Variants in EPB41 observed in about 807,000 individuals in gnomAD.
The protein encoded by EPB41 is erythrocyte membrane protein band 4.1.
EPB41 carries 65 observed loss-of-function variants against 108.0 expected under a neutral mutation model. The observed-to-expected ratio is 0.60, with a 90% confidence interval of 0.49 to 0.74. The LOEUF is 0.74. Among genes scored for constraint, EPB41 ranks in the 30% least tolerant of loss-of-function variants. The pLI is 0.00. For synonymous variants in EPB41, 336 were observed against 358.9 expected (o/e 0.94, Z 0.72); for missense variants, 875 against 1,037.0 (o/e 0.84, Z 2.15).
Position 28,987,658 on chromosome 1 carries a change from C to T in EPB41, c.221C>T (p.Ser74Leu), listed in dbSNP as rs374334401. ...EDLTKNKERT[S>L]ESRGLSRLFS... Reference sequence around the variant, plus strand: ...TTGACCAAGAACAAGGAGCGGACATCAGAAAGCAGAGGACTTTCACGACTA... The same window carrying T: ...TTGACCAAGAACAAGGAGCGGACATTAGAAAGCAGAGGACTTTCACGACTA... Residue 74 changes from serine to leucine, a missense_variant, in exon 2 of 21, where the codon TCA becomes TTA. Physicochemically the swap from Ser to Leu is moderately radical, Grantham distance 145. This residue lies in a region of EPB41 where 353 missense variants were observed against 393.2 expected (regional missense o/e 0.90). Transcript: ENST00000343067. 1.1e-5 allele frequency: 18 copies of T among 1,614,082 alleles called. No homozygotes were observed. Among genetic ancestry groups the T allele is most frequent in the Non-Finnish European group, 1.4e-5 (17 of 1,180,048 alleles).
At chr1:29,093,513 G>A (rs1662062777) in intron 16 of EPB41, among the ~76,000 whole-genome samples, 1 of 152,128 alleles carries the variant, frequency 6.6e-6, no homozygotes, top group African/African-American at 2.4e-5. Flanking sequence ...TCTATTGATA[G>A]TTTCTTTCAC....
intron 12 of EPB41, among the ~76,000 whole-genome samples, chr1:29,058,202 A>C (rs1012805834): frequency 6.6e-6 from 1 of 152,222 alleles, no homozygotes; most frequent in Non-Finnish European, 1.5e-5. Context: ...ATGTTATTTA[A>C]AGTATTTCCA....
At chr1:29,116,760 G>A (rs1392025601) in intron 20 of EPB41, 59 bp from the exon 21 acceptor site, 1 of 152,218 alleles carries the variant, frequency 6.6e-6, no homozygotes, top group African/African-American at 2.4e-5. Flanking sequence ...ACTTGGCAAT[G>A]GGACTAGGAA....
At chr1:29,044,749 C>T (rs963306799) in intron 11 of EPB41, among the ~76,000 whole-genome samples, 1 of 152,086 alleles carries the variant, frequency 6.6e-6, no homozygotes, top group Non-Finnish European at 1.5e-5. Flanking sequence ...CTACTCAGGA[C>T]GCTGAGGCAG....
At chr1:28,999,502 T>C (rs2096254427) in intron 4 of EPB41, among the ~76,000 whole-genome samples, 1 of 152,154 alleles carries the variant, frequency 6.6e-6, no homozygotes, top group Admixed American at 6.6e-5. Context: ...AAAACCCAGA[T>C]TGATTTGAGA....
intron 11 of EPB41, among the ~76,000 whole-genome samples, chr1:29,045,725 T>C (rs2985341): frequency 0.78 from 117,005 of 149,350 alleles, 46,250 homozygotes; most frequent in East Asian, 0.92. Context: ...ATAATCCCAG[T>C]ACTTTGGGAG....
At chr1:28,939,437 AT>A (rs1557740612) in intron 1 of EPB41, among the ~76,000 whole-genome samples, 2 of 151,624 alleles carry the variant, frequency 1.3e-5, no homozygotes, top group Non-Finnish European at 2.9e-5. Context: ...ATATTTATTT[AT>A]TTTTTATTTT....
chr1:29,015,688 A>T lies in EPB41; in HGVS notation c.830-4A>T, dbSNP rs779040931. 1.3e-6 allele frequency: 2 copies of T among 1,592,294 alleles called. No homozygotes were observed. Among genetic ancestry groups the T allele is most frequent in the East Asian group, 2.2e-5 (1 of 44,728 alleles). On this transcript the variant is annotated splice_region_variant and splice_polypyrimidine_tract_variant and intron_variant, in intron 5 of 20. Transcript: ENST00000343067. ...GTAAAATTCTTTTGTGTTTATTTTT[A>T]TAGGTGTCCCTTGGAATTTTACATT...
At chr1:28,987,294 C>T (rs2095890020) in intron 1 of EPB41, 137 bp from the exon 2 acceptor site, 1 of 717,110 alleles carries the variant, frequency 1.4e-6, no homozygotes, top group Non-Finnish European at 2.4e-6. Flanking sequence ...AATGGAAAGT[C>T]TCATGTTTAA....
chr1:29,092,254 C>T (rs559156808), intron 16 of EPB41, among the ~76,000 whole-genome samples: 1 of 152,142 alleles, frequency 6.6e-6, no homozygotes, highest in South Asian at 2.1e-4. Context: ...TGCGCCACCA[C>T]GCCTGGCTAA....
intron 1 of EPB41, among the ~76,000 whole-genome samples, chr1:28,972,047 C>A (rs1428141259): frequency 6.6e-6 from 1 of 152,058 alleles, no homozygotes; most frequent in Non-Finnish European, 1.5e-5. Flanking sequence ...TACCCTGCCC[C>A]CGTAGCTGGG....
intron 15 of EPB41, among the ~76,000 whole-genome samples, chr1:29,061,884 C>G (rs1646638258): frequency 6.6e-6 from 1 of 152,200 alleles, no homozygotes; most frequent in East Asian, 1.9e-4. Context: ...CCAACCTAAA[C>G]TTTAAAAACT....
chr1:29,095,021 T>C (rs1662693957), intron 16 of EPB41, among the ~76,000 whole-genome samples: 1 of 152,244 alleles, frequency 6.6e-6, no homozygotes, highest in African/African-American at 2.4e-5. Flanking sequence ...CTATATTCTT[T>C]AGGGAACAAT....
At chr1:29,103,449 C>A (rs1175678910) in intron 17 of EPB41, among the ~76,000 whole-genome samples, 1 of 152,088 alleles carries the variant, frequency 6.6e-6, no homozygotes, top group Non-Finnish European at 1.5e-5. Context: ...AGTTTTGTGA[C>A]CTTGGGCAAG....
chr1:28,978,326 C>T (rs762251244), intron 1 of EPB41, among the ~76,000 whole-genome samples: 4 of 151,370 alleles, frequency 2.6e-5, no homozygotes, highest in African/African-American at 7.3e-5. Flanking sequence ...CACCATAATC[C>T]GAAATGTTAA....
At chr1:28,889,683 T>C in intron 1 of EPB41, 1 of 407,302 alleles carries the variant, frequency 2.5e-6, no homozygotes, top group Middle Eastern at 1.2e-3. Context: ...TGATGGAACC[T>C]AGGCTGCAGG....
chr1:28,928,584 A>G (rs1465163847), intron 1 of EPB41, among the ~76,000 whole-genome samples: 2 of 152,234 alleles, frequency 1.3e-5, no homozygotes, highest in Non-Finnish European at 2.9e-5. Flanking sequence ...CTCTCAGTAA[A>G]TATTCCCTTC....
At chr1:29,106,922 G>A (rs920835025) in intron 17 of EPB41, among the ~76,000 whole-genome samples, 1 of 151,226 alleles carries the variant, frequency 6.6e-6, no homozygotes, top group Non-Finnish European at 1.5e-5. Flanking sequence ...AATGGCTCAC[G>A]CCTGTAATCC....
chr1:29,107,959 G>A (rs563959359), intron 17 of EPB41, among the ~76,000 whole-genome samples: 10 of 149,016 alleles, frequency 6.7e-5, no homozygotes, highest in Admixed American at 5.4e-4. Flanking sequence ...AACCCAGGAG[G>A]TGGAGGTTTC....
Sources: gnomAD v4.1 joint callset for allele counts (sites outside exome capture counted in the v4.1 genomes callset) on GRCh38, gnomAD v4.1.1 for gene constraint, gnomAD v4.1.1 regional missense constraint, MANE v1.5 for transcripts, NCBI Gene and HGNC (gene_info 2026-07-23, HGNC 2026-07-21) for gene names.